SCAPER: variants seen among roughly 807,000 people sequenced by gnomAD.
SCAPER encodes S-phase cyclin A associated protein in the ER.
A neutral mutation model predicts 182.2 loss-of-function variants in SCAPER; 98 were observed. The observed-to-expected ratio is 0.54, with a 90% CI of 0.46 to 0.64. The LOEUF (loss-of-function observed/expected upper bound fraction) is 0.64. SCAPER is among the 30% of genes least tolerant of loss of function. The pLI is 0.00. For missense variants in SCAPER, 1,432 were observed against 1,690.0 expected (o/e 0.85, Z 2.68); for synonymous variants, 605 against 564.6 (o/e 1.07, Z -1.01).
chr15:76,540,005 A>G (rs887264079), intron 23 of SCAPER, among the ~76,000 whole-genome samples: 1 of 152,202 alleles, frequency 6.6e-6, no homozygotes, highest in East Asian at 1.9e-4. Context: ...CAGTTAAATA[A>G]GTTATTGGTA....
At chr15:76,819,625 A>T (rs35018175) in intron 5 of SCAPER, among the ~76,000 whole-genome samples, 1 of 152,318 alleles carries the variant, frequency 6.6e-6, no homozygotes, top group African/African-American at 2.4e-5. Context: ...ATAAACCACA[A>T]AGATAGGGAA....
intron 22 of SCAPER, among the ~76,000 whole-genome samples, chr15:76,579,500 T>C (rs980296129): frequency 6.7e-6 from 1 of 150,280 alleles, no homozygotes; most frequent in Non-Finnish European, 1.5e-5. Context: ...GCAAGCTTCG[T>C]GGTAAACTCA....
intron 24 of SCAPER, among the ~76,000 whole-genome samples, chr15:76,491,978 C>T (rs2052360473): frequency 6.6e-6 from 1 of 152,128 alleles, no homozygotes; most frequent in Non-Finnish European, 1.5e-5. Flanking sequence ...AAGTGTCTCA[C>T]TGTAGTTTTA....
chr15:76,823,750 A>G (rs1042378611), intron 5 of SCAPER, among the ~76,000 whole-genome samples: 8 of 152,144 alleles, frequency 5.3e-5, no homozygotes, highest in African/African-American at 1.9e-4. Flanking sequence ...AGAAAAGGAC[A>G]AATGTAAAAA....
At chr15:76,636,357 T>C (rs766006508) in intron 21 of SCAPER, among the ~76,000 whole-genome samples, 1 of 152,068 alleles carries the variant, frequency 6.6e-6, no homozygotes, top group Non-Finnish European at 1.5e-5. Context: ...GAGATCTCTA[T>C]TTCTGGCCTT....
In SCAPER at chr15:76,775,084, T is replaced by C. The variant is rs1427538982; in HGVS notation, c.806A>G (p.Gln269Arg). The C allele has an allele frequency of 6.8e-6, 11 of 1,613,532 alleles. No individual in the cohort carries two copies. The highest frequency in any genetic ancestry group is 9.3e-6 in the Non-Finnish European group (11 of 1,179,712). The change falls in exon 9 of 32, where the codon CAG (glutamine) becomes CGG (arginine). Residue 269 changes from glutamine (Q) to arginine (R), a missense_variant. Physicochemically the swap from Gln to Arg is conservative, Grantham distance 43. Transcript: ENST00000563290. The part of the protein sequence containing the change: ...RKDAEGWETV[Q>R]RGRPIRSRST... The stretch of plus-strand genomic sequence containing the variant: ...TCGAGAACGAATAGGCCTTCCTCTC[T>C]GAACGGTCTCCCATCCTTCAGCATC...
At chr15:76,470,536 T>C (rs1310836197) in intron 25 of SCAPER, among the ~76,000 whole-genome samples, 1 of 152,186 alleles carries the variant, frequency 6.6e-6, no homozygotes, top group East Asian at 1.9e-4. Context: ...ATAAATCTCT[T>C]GTGTTATAAA....
intron 1 of SCAPER, 102 bp from the exon 2 acceptor site, chr15:76,883,978 C>G: frequency 1.7e-6 from 1 of 601,692 alleles, no homozygotes. Flanking sequence ...CATTAAACAA[C>G]AACAAAAAAA....
At chr15:76,593,795 A>G (rs1191721486) in intron 22 of SCAPER, among the ~76,000 whole-genome samples, 3 of 121,204 alleles carry the variant, frequency 2.5e-5, no homozygotes, top group East Asian at 2.2e-4. Context: ...CAAAAAGGAC[A>G]TCCACACAGA....
At chr15:76,866,258 T>TGTGC in intron 2 of SCAPER, among the ~76,000 whole-genome samples, 1 of 152,112 alleles carries the variant, frequency 6.6e-6, no homozygotes, top group African/African-American at 2.4e-5. Flanking sequence ...TGTGTGTGTG[T>TGTGC]GCGTGTGTGT....
At chr15:76,669,496 T>C (rs1325705816) in intron 20 of SCAPER, among the ~76,000 whole-genome samples, 1 of 152,220 alleles carries the variant, frequency 6.6e-6, no homozygotes, top group African/African-American at 2.4e-5. Context: ...AAGCAAGTCA[T>C]ATATGAAAGC....
chr15:76,639,717 TC>T (rs2053947646), intron 21 of SCAPER, among the ~76,000 whole-genome samples: 1 of 147,858 alleles, frequency 6.8e-6, no homozygotes, highest in African/African-American at 2.5e-5. Flanking sequence ...TACAACCTAT[TC>T]CCCCCAACCC....
At chr15:76,634,143 C>A (rs2053395916) in intron 21 of SCAPER, among the ~76,000 whole-genome samples, 1 of 152,254 alleles carries the variant, frequency 6.6e-6, no homozygotes, top group South Asian at 2.1e-4. Flanking sequence ...ACCTCCTTAT[C>A]CACAGGTTAC....
chr15:76,590,454 A>G (rs1299409520), intron 22 of SCAPER, among the ~76,000 whole-genome samples: 1 of 152,222 alleles, frequency 6.6e-6, no homozygotes, highest in African/African-American at 2.4e-5. Context: ...ATCAGAATGC[A>G]CATAGACTTT....
At chr15:76,603,635 G>A (rs368910651) in intron 22 of SCAPER, among the ~76,000 whole-genome samples, 1 of 121,072 alleles carries the variant, frequency 8.3e-6, no homozygotes, top group African/African-American at 2.5e-5. Context: ...GAACTAGTTT[G>A]CAGTCCCACT....
At chr15:76,452,917 A>G (rs1171986337) in intron 25 of SCAPER, among the ~76,000 whole-genome samples, 1 of 152,134 alleles carries the variant, frequency 6.6e-6, no homozygotes, top group Non-Finnish European at 1.5e-5. Context: ...TGCAACCTCA[A>G]TCTCTTGGGC....
chr15:76,492,937 G>A (rs1288582297), intron 24 of SCAPER, among the ~76,000 whole-genome samples: 2 of 147,694 alleles, frequency 1.4e-5, no homozygotes, highest in African/African-American at 5.1e-5. Context: ...TGTGGATGAA[G>A]AGGGAAAATT....
chr15:76,680,695 C>T (rs1301121639), intron 20 of SCAPER, among the ~76,000 whole-genome samples: 2 of 152,042 alleles, frequency 1.3e-5, no homozygotes, highest in Non-Finnish European at 2.9e-5. Flanking sequence ...TAGAACCTCC[C>T]TCTTCACTCT....
chr15:76,868,290 G>C (rs1314740078), intron 2 of SCAPER, among the ~76,000 whole-genome samples: 4 of 152,130 alleles, frequency 2.6e-5, no homozygotes, highest in Non-Finnish European at 5.9e-5. Flanking sequence ...CACTTCGAGA[G>C]GCAGAGGCAG....
Sources: allele counts gnomAD v4.1 joint callset (sites outside exome capture counted in the v4.1 genomes callset), GRCh38; gene constraint gnomAD v4.1.1; transcripts MANE v1.5; gene names NCBI Gene and HGNC (gene_info 2026-07-23, HGNC 2026-07-21).